Variants in STPG2 observed in about 807,000 individuals in gnomAD.
STPG2 encodes the protein sperm tail PG-rich repeat containing 2, also known as sperm-tail PG-rich repeat-containing protein 2.
In STPG2, 56 loss-of-function variants were observed where a neutral mutation model predicts 54.2. The ratio of observed to expected loss-of-function variants is 1.03; its 90% CI spans 0.83 to 1.29. STPG2 has a LOEUF of 1.29. STPG2 is among the 50% of genes most tolerant of loss of function. The pLI is 0.00. For synonymous variants in STPG2, 200 were observed against 181.8 expected (o/e 1.10, Z -0.81); for missense variants, 596 against 544.9 (o/e 1.09, Z -0.93).
intron 2 of STPG2, among the ~76,000 whole-genome samples, chr4:98,129,300 T>C (rs1739917028): frequency 6.6e-6 from 1 of 152,226 alleles, no homozygotes; most frequent in Non-Finnish European, 1.5e-5. Flanking sequence ...ACAAACTTTG[T>C]ATTTTTCAGT....
chr4:97,837,833 T>A (rs1297042223), intron 9 of STPG2, among the ~76,000 whole-genome samples: 1 of 151,650 alleles, frequency 6.6e-6, no homozygotes, highest in African/African-American at 2.4e-5. Context: ...TTGAATGTCT[T>A]ATAAGTTCCA....
intron 8 of STPG2, among the ~76,000 whole-genome samples, chr4:97,931,169 TTTTA>T (rs1330509815): frequency 2.0e-5 from 3 of 152,172 alleles, no homozygotes; most frequent in African/African-American, 7.2e-5. Context: ...TTTGGATGCC[TTTTA>T]TTTTTTTCTC....
chr4:97,634,549 G>A (rs1198130199), intron 10 of STPG2, among the ~76,000 whole-genome samples: 5 of 149,998 alleles, frequency 3.3e-5, no homozygotes, highest in Non-Finnish European at 7.4e-5. Context: ...TCTGAGCTAC[G>A]GGAGGACATT....
chr4:97,759,584 G>T (rs1725828801), intron 9 of STPG2, among the ~76,000 whole-genome samples: 1 of 152,144 alleles, frequency 6.6e-6, no homozygotes, highest in African/African-American at 2.4e-5. Context: ...GAAGTAAGGG[G>T]TTGGATGTTT....
chr4:97,799,848 A>G (rs1028250512), intron 9 of STPG2, among the ~76,000 whole-genome samples: 1 of 152,172 alleles, frequency 6.6e-6, no homozygotes, highest in South Asian at 2.1e-4. Flanking sequence ...GTCTTTTCAC[A>G]TAGTCCCATA....
chr4:97,966,708 G>A (rs536903920), intron 7 of STPG2, among the ~76,000 whole-genome samples: 1 of 152,190 alleles, frequency 6.6e-6, no homozygotes, highest in East Asian at 1.9e-4. Flanking sequence ...AAGAGACTGG[G>A]GGACAATATT....
intron 10 of STPG2, among the ~76,000 whole-genome samples, chr4:97,635,408 G>A (rs1354975544): frequency 6.6e-6 from 1 of 152,142 alleles, no homozygotes; most frequent in Non-Finnish European, 1.5e-5. Flanking sequence ...AAAGACCATT[G>A]AGACTAGGAA....
chr4:98,100,731 A>G (rs181066588), intron 5 of STPG2, among the ~76,000 whole-genome samples: 282 of 136,918 alleles, frequency 2.1e-3, no homozygotes, highest in African/African-American at 7.7e-3. Context: ...GCTGGAGTGC[A>G]GTGGTGCAAT....
chr4:98,011,719 G>A (rs1341481946), intron 5 of STPG2, among the ~76,000 whole-genome samples: 2 of 152,152 alleles, frequency 1.3e-5, no homozygotes, highest in African/African-American at 4.8e-5. Context: ...CAGTGATGTT[G>A]AGCTTTTTTC....
intron 9 of STPG2, among the ~76,000 whole-genome samples, chr4:97,794,014 G>C (rs552767948): frequency 3.9e-5 from 6 of 152,052 alleles, no homozygotes; most frequent in Middle Eastern, 3.4e-3. Context: ...GTTGTTGATT[G>C]TAACTAATAG....
intron 8 of STPG2, among the ~76,000 whole-genome samples, chr4:97,896,713 T>A (rs1730968604): frequency 6.6e-6 from 1 of 151,766 alleles, no homozygotes; most frequent in African/African-American, 2.4e-5. Context: ...TATTTTTATA[T>A]TTTGTAAAAA....
Position 97,760,703 on chromosome 4 carries a change from G to A in STPG2, c.1205-47889C>T, listed in dbSNP as rs139240451. ...CCTTACTGTCTATGTGCATACCTCT[G>A]AGCAAGGGTCAGTATGCTAGTTTCC... On this transcript the variant is annotated intron_variant, in intron 9 of 10. Transcript: ENST00000295268. Among the ~76,000 whole-genome samples the A allele has an allele frequency of 1.5e-3, 235 of 152,266 alleles. 2 individuals carry two copies. The highest frequency in any genetic ancestry group is 1.6e-3 in the Non-Finnish European group (111 of 68,010).
intron 9 of STPG2, among the ~76,000 whole-genome samples, chr4:97,749,188 C>T (rs562687750): frequency 5.2e-4 from 79 of 151,834 alleles, no homozygotes; most frequent in African/African-American, 1.8e-3. Flanking sequence ...CATTCTTCTT[C>T]CCACTACTAA....
chr4:97,879,059 AAG>A (rs1730277907), intron 8 of STPG2, among the ~76,000 whole-genome samples: 1 of 152,180 alleles, frequency 6.6e-6, no homozygotes, highest in African/African-American at 2.4e-5. Flanking sequence ...AAAACATAGC[AAG>A]AGTCACCTTT....
At chr4:97,713,668 G>A (rs1724201680) in intron 9 of STPG2, among the ~76,000 whole-genome samples, 1 of 152,158 alleles carries the variant, frequency 6.6e-6, no homozygotes, top group Non-Finnish European at 1.5e-5. Context: ...TCTGACAGGA[G>A]GTGGAGCTCA....
At chr4:97,519,778 G>A (rs1169957307) in intron 4 of STPG2, among the ~76,000 whole-genome samples, 3 of 151,860 alleles carry the variant, frequency 2.0e-5, no homozygotes, top group East Asian at 1.9e-4. Flanking sequence ...AAAAATGAGG[G>A]AAGATTAAAA....
intron 8 of STPG2, among the ~76,000 whole-genome samples, chr4:97,878,724 C>G (rs971411234): frequency 6.6e-6 from 1 of 152,146 alleles, no homozygotes; most frequent in Non-Finnish European, 1.5e-5. Context: ...TCTGACATGC[C>G]CTGAAGACAT....
chr4:98,143,018 G>T (rs1334794346), intron 1 of STPG2, 24 bp downstream of exon 1: 2 of 1,590,986 alleles, frequency 1.3e-6, no homozygotes, highest in Admixed American at 3.4e-5. Context: ...TGTCACAGGA[G>T]CTCTGCCTCT....
chr4:97,514,560 C>T (rs542210195), intron 4 of STPG2, among the ~76,000 whole-genome samples: 1 of 152,196 alleles, frequency 6.6e-6, no homozygotes, highest in East Asian at 1.9e-4. Flanking sequence ...TTTCATAAAG[C>T]ATATGATTTA....
Sources: allele counts gnomAD v4.1 joint callset (sites outside exome capture counted in the v4.1 genomes callset), GRCh38; gene constraint gnomAD v4.1.1; transcripts MANE v1.5; gene names NCBI Gene and HGNC (gene_info 2026-07-23, HGNC 2026-07-21).